The following CADM2 variants were observed in gnomAD, a reference collection of about 807,000 sequenced individuals.
CADM2 encodes cell adhesion molecule 2.
A neutral mutation model predicts 49.8 loss-of-function variants in CADM2; 12 were observed. The observed-to-expected ratio is 0.24, with a 90% CI of 0.15 to 0.39. The LOEUF is 0.39. Ranked by LOEUF, CADM2 falls within the 10% of genes least tolerant of loss-of-function variation. The probability of loss-of-function intolerance (pLI) is 1.00; values close to 1 mark genes in which losing one functional copy is unlikely to be tolerated. For synonymous variants in CADM2, 214 were observed against 175.4 expected (o/e 1.22, Z -1.74); for missense variants, 378 against 492.3 (o/e 0.77, Z 2.20).
intron 8 of CADM2, among the ~76,000 whole-genome samples, chr3:86,036,916 C>A (rs1735239486): frequency 6.6e-6 from 1 of 152,004 alleles, no homozygotes; most frequent in South Asian, 2.1e-4. Context: ...ATATTTAGTT[C>A]TTTTTCACCT....
At chr3:85,232,951 A>T (rs534382702) in intron 1 of CADM2, among the ~76,000 whole-genome samples, 11 of 152,338 alleles carry the variant, frequency 7.2e-5, no homozygotes, top group African/African-American at 2.4e-4. Context: ...GCTAATATTT[A>T]TAGTAACTTT....
intron 7 of CADM2, among the ~76,000 whole-genome samples, chr3:85,955,393 G>A (rs1236470996): frequency 6.6e-6 from 1 of 151,386 alleles, no homozygotes; most frequent in Non-Finnish European, 1.5e-5. Context: ...TCCACACCAG[G>A]AAGATTCTTT....
At chr3:85,265,289 A>C (rs2043098500) in intron 1 of CADM2, among the ~76,000 whole-genome samples, 1 of 151,030 alleles carries the variant, frequency 6.6e-6, no homozygotes, top group South Asian at 2.1e-4. Context: ...TGAATGTACT[A>C]TCAAGGAATA....
At chr3:85,205,017 A>G (rs1028783426) in intron 1 of CADM2, among the ~76,000 whole-genome samples, 6 of 150,134 alleles carry the variant, frequency 4.0e-5, no homozygotes, top group African/African-American at 1.5e-4. Context: ...TACTTTACTT[A>G]ATTTTTTTTT....
intron 3 of CADM2, among the ~76,000 whole-genome samples, chr3:85,847,318 C>A (rs1049902100): frequency 1.1e-4 from 17 of 152,116 alleles, no homozygotes; most frequent in Non-Finnish European, 1.5e-5. Context: ...TTGGTATCTG[C>A]ATGAATCTCA....
chr3:85,304,082 A>T (rs1213191620), intron 1 of CADM2, among the ~76,000 whole-genome samples: 1 of 151,878 alleles, frequency 6.6e-6, no homozygotes, highest in Non-Finnish European at 1.5e-5. Flanking sequence ...TTTTACTTGT[A>T]GCTCTACATT....
intron 1 of CADM2, among the ~76,000 whole-genome samples, chr3:85,236,288 G>C (rs551450472): frequency 6.6e-6 from 1 of 151,874 alleles, no homozygotes; most frequent in East Asian, 1.9e-4. Flanking sequence ...CATAAAATTG[G>C]ATTATTAATC....
chr3:85,302,226 A>T (rs2044119269), intron 1 of CADM2, among the ~76,000 whole-genome samples: 2 of 152,000 alleles, frequency 1.3e-5, no homozygotes, highest in East Asian at 1.9e-4. Flanking sequence ...TTCGTTTTTC[A>T]TAATTTTAAC....
intron 1 of CADM2, among the ~76,000 whole-genome samples, chr3:85,157,114 T>C (rs2040154912): frequency 6.6e-6 from 1 of 152,130 alleles, no homozygotes; most frequent in Non-Finnish European, 1.5e-5. Context: ...ATAAAATATC[T>C]AGGAATCCAA....
intron 1 of CADM2, among the ~76,000 whole-genome samples, chr3:85,145,736 A>C (rs191870900): frequency 7.8e-4 from 119 of 152,260 alleles, no homozygotes; most frequent in South Asian, 1.7e-3. Flanking sequence ...GATTAATTTC[A>C]TTTATAGTAA....
At chr3:85,149,322 C>A (rs2039848117) in intron 1 of CADM2, among the ~76,000 whole-genome samples, 1 of 152,116 alleles carries the variant, frequency 6.6e-6, no homozygotes, top group South Asian at 2.1e-4. Context: ...AAACCTTAGA[C>A]TTCCCAGCCT....
rs909248881 is a variant in CADM2, at chr3:85,521,336, C to A, written c.62-205186C>A. On this transcript the variant is annotated intron_variant, in intron 1 of 9. Transcript: ENST00000383699. Reference sequence around the variant, plus strand: ...CTTTTTCCCCAGAAGAATTACATATCCATGTATGAAAGCTTCATAGATCTA... The same window carrying A: ...CTTTTTCCCCAGAAGAATTACATATACATGTATGAAAGCTTCATAGATCTA... Among the ~76,000 whole-genome samples the A allele has an allele frequency of 9.9e-5, 15 of 152,082 alleles. 1 individual carries two copies. The highest frequency in any genetic ancestry group is 6.3e-3 in the Middle Eastern group (2 of 316).
rs372951596 is a variant in CADM2, at chr3:85,279,791, A to C, written c.61+320123A>C. 9.2e-5 allele frequency among the ~76,000 whole-genome samples: 14 copies of C among 151,712 alleles called. No homozygotes were observed. In the South Asian group the frequency reaches 2.5e-3, roughly 27 times the overall value. On this transcript the variant is annotated intron_variant, in intron 1 of 9. Coordinates refer to ENST00000383699, the MANE Select transcript of CADM2 (RefSeq NM_001167675.2). ...GTTCTAATTTCTCTACATACTTACCATCACTGGTCTTTAAAAGAAAATAGC... is the reference window on the plus strand; with the variant it reads ...GTTCTAATTTCTCTACATACTTACCCTCACTGGTCTTTAAAAGAAAATAGC...
intron 3 of CADM2, among the ~76,000 whole-genome samples, chr3:85,848,906 A>T (rs1559698890): frequency 1.3e-5 from 2 of 152,174 alleles, no homozygotes; most frequent in Non-Finnish European, 2.9e-5. Context: ...AGATGAAAAA[A>T]ATTGAGGCTA....
chr3:85,770,750 A>G (rs761549601), intron 2 of CADM2, among the ~76,000 whole-genome samples: 1 of 152,186 alleles, frequency 6.6e-6, no homozygotes, highest in African/African-American at 2.4e-5. Flanking sequence ...TGTCTGGGCT[A>G]TCCCTTCAAA....
In CADM2 at chr3:85,169,195, G is replaced by A. The variant is rs191366650; in HGVS notation, c.61+209527G>A. ...TAGAGACAGGGTTCCAGTTCCACCAGGTTGGCAAGTCTAGTGTCGAACTCT... is the reference window on the plus strand; with the variant it reads ...TAGAGACAGGGTTCCAGTTCCACCAAGTTGGCAAGTCTAGTGTCGAACTCT... On this transcript the variant is annotated intron_variant, in intron 1 of 9. Coordinates refer to ENST00000383699, the MANE Select transcript of CADM2 (RefSeq NM_001167675.2). Among the ~76,000 whole-genome samples, 230 of 152,018 alleles carry A rather than the reference G, an allele frequency of 1.5e-3. 2 individuals are homozygous for A. In the Middle Eastern group the frequency reaches 0.02, roughly 13 times the overall value.
At chr3:85,863,577 C>T (rs1178763232) in intron 3 of CADM2, among the ~76,000 whole-genome samples, 1 of 152,142 alleles carries the variant, frequency 6.6e-6, no homozygotes, top group East Asian at 1.9e-4. Flanking sequence ...TCTTCTGCCC[C>T]AGGATAATGC....
chr3:85,073,654 T>C (rs2036838366), intron 1 of CADM2, among the ~76,000 whole-genome samples: 1 of 152,202 alleles, frequency 6.6e-6, no homozygotes, highest in Admixed American at 6.5e-5. Context: ...GATACAGGTA[T>C]AAAGAAACAG....
chr3:86,008,821 AATTTTGACG>A (rs1172571814), intron 8 of CADM2, among the ~76,000 whole-genome samples: 1 of 147,652 alleles, frequency 6.8e-6, no homozygotes, highest in African/African-American at 2.4e-5. Context: ...AAATGCTATT[AATTTTGACG>A]ATTTTTTCCA....
Sources: allele counts gnomAD v4.1 joint callset (sites outside exome capture counted in the v4.1 genomes callset), GRCh38; gene constraint gnomAD v4.1.1; transcripts MANE v1.5; gene names NCBI Gene and HGNC (gene_info 2026-07-23, HGNC 2026-07-21).